Variants in PITPNM3 observed in about 807,000 individuals in gnomAD.
The protein encoded by PITPNM3 is PITPNM family member 3.
In PITPNM3, 26 loss-of-function variants were observed where a neutral mutation model predicts 102.0. The ratio of observed to expected loss-of-function variants is 0.25; its 90% CI spans 0.19 to 0.35. The LOEUF (loss-of-function observed/expected upper bound fraction) is 0.35, where lower values mean the gene tolerates loss of function less well. Among genes scored for constraint, PITPNM3 ranks in the 10% least tolerant of loss-of-function variants. The pLI, the probability that PITPNM3 is intolerant of heterozygous loss-of-function variation, is 1.00. For missense variants in PITPNM3, 1,083 were observed against 1,346.1 expected, an observed-to-expected ratio of 0.80 and a Z score of 3.06; for synonymous variants, 578 against 558.6, an observed-to-expected ratio of 1.03 and a Z score of -0.49.
At chr17:6,535,656 C>T (rs55982591) in intron 2 of PITPNM3, among the ~76,000 whole-genome samples, 12,852 of 152,102 alleles carry the variant, frequency 0.084, 613 homozygotes, top group Middle Eastern at 0.13. Flanking sequence ...CGGTGGCTCA[C>T]ACCTGTAATC....
chr17:6,455,625 C>T lies in PITPNM3; in HGVS notation c.2638G>A (p.Ala880Thr), dbSNP rs762879992. The T allele has an allele frequency of 5.3e-6, 8 of 1,503,166 alleles. No homozygotes were observed. The highest frequency in any genetic ancestry group is 2.4e-5 in the East Asian group (1 of 41,404). The allele number at this position is 1,503,166 out of a possible 1,614,324, so 93.1% of individuals were successfully genotyped here. A position where few individuals can be genotyped will look rare whatever the true frequency, so the allele number is the denominator to read the frequency against. Residue 880 changes from alanine to threonine, a missense_variant, in exon 20 of 20, where the codon GCC (alanine) becomes ACC (threonine). Transcript: ENST00000262483. ...GCCTCCAGCGCGGCCAGGTGTGCGG[C>T]GTAGCCCTCGCTCAGGAACTGCGGA... Reference protein sequence around the residue: ...TQCQFLSEGYAAHLAALEASH... With the variant: ...TQCQFLSEGYTAHLAALEASH...
Position 6,480,249 on chromosome 17 carries a change from G to A in PITPNM3, c.588-1513C>T, listed in dbSNP as rs1905584048. ...CCTAATCTTCCTTCCTTCCAACTCTGATTGAGATCTGCCTGCAATTCCTGT... is the reference window on the plus strand; with the variant it reads ...CCTAATCTTCCTTCCTTCCAACTCTAATTGAGATCTGCCTGCAATTCCTGT... On this transcript the variant is annotated intron_variant, in intron 6 of 19. Transcript: ENST00000262483. 2.0e-5 allele frequency: 3 copies of A among 152,218 alleles called. No individual in the cohort carries two copies. In the South Asian group the frequency reaches 6.2e-4, roughly 31 times the overall value. 9.4% of individuals were successfully genotyped at this position (152,218 alleles called of 1,614,324 possible).
intron 1 of PITPNM3, among the ~76,000 whole-genome samples, chr17:6,555,341 G>A (rs553318485): frequency 5.9e-5 from 9 of 152,216 alleles, no homozygotes; most frequent in Non-Finnish European, 1.0e-4. Flanking sequence ...CGGGCTTGGG[G>A]GTGGATTGAC....
chr17:6,494,695 A>T (rs1280128716), intron 4 of PITPNM3, among the ~76,000 whole-genome samples: 2 of 152,240 alleles, frequency 1.3e-5, no homozygotes, highest in Non-Finnish European at 2.9e-5. Flanking sequence ...CGATCTCTTC[A>T]TTCATTGCTG....
At chr17:6,538,147 C>G in intron 1 of PITPNM3, 65 bp from the exon 2 acceptor site, 1 of 1,240,766 alleles carries the variant, frequency 8.1e-7, no homozygotes, top group East Asian at 2.4e-5. Context: ...GGAGGTGACC[C>G]AAGACCCCCC....
intron 3 of PITPNM3, among the ~76,000 whole-genome samples, chr17:6,509,863 C>T (rs1907768499): frequency 6.6e-6 from 1 of 152,212 alleles, no homozygotes; most frequent in Admixed American, 6.5e-5. Flanking sequence ...AGTGGATCCA[C>T]AGGGGCACTC....
chr17:6,555,306 G>A (rs570901237), intron 1 of PITPNM3, among the ~76,000 whole-genome samples: 25 of 152,288 alleles, frequency 1.6e-4, no homozygotes, highest in African/African-American at 5.8e-4. Flanking sequence ...AGACGGGTCC[G>A]CAGCCCAGGG....
At chr17:6,536,073 A>G (rs1909408369) in intron 2 of PITPNM3, among the ~76,000 whole-genome samples, 1 of 151,280 alleles carries the variant, frequency 6.6e-6, no homozygotes, top group African/African-American at 2.4e-5. Flanking sequence ...CAAAAAAAAA[A>G]GGAAAAAAAA....
At position 6,457,072 on chromosome 17, in the gene PITPNM3, G is replaced by GC. The variant is rs58283124; in HGVS notation, c.2619+521dup. 0.22 allele frequency among the ~76,000 whole-genome samples: 33,013 copies of GC among 149,746 alleles called. 4,319 individuals carry two copies. The highest frequency in any genetic ancestry group is 0.37 in the South Asian group (1,707 of 4,666). On this transcript the variant is annotated intron_variant, in intron 19 of 19. Coordinates refer to ENST00000262483, the MANE Select transcript of PITPNM3 (RefSeq NM_031220.4). The surrounding 1 kb of genome is among the most constrained non-coding windows in gnomAD (Gnocchi z 4.7). Reference sequence around the variant, plus strand: ...TGGCCGCACTGACCGTTCTAGCCCCGCCCCCCCACCTCCCAGCTCACGTCC... The same window carrying GC: ...TGGCCGCACTGACCGTTCTAGCCCCGCCCCCCCCACCTCCCAGCTCACGTCC...
At chr17:6,554,690 C>T (rs1212301753) in intron 1 of PITPNM3, among the ~76,000 whole-genome samples, 1 of 152,082 alleles carries the variant, frequency 6.6e-6, no homozygotes, top group Non-Finnish European at 1.5e-5. Context: ...AAGGGGGTGA[C>T]CTATCAGGGC....
intron 4 of PITPNM3, among the ~76,000 whole-genome samples, chr17:6,487,458 G>A (rs1188166104): frequency 6.6e-6 from 1 of 152,130 alleles, no homozygotes; most frequent in East Asian, 1.9e-4. Context: ...TGGGCTGATG[G>A]GGACATTGCC....
At chr17:6,553,834 C>T (rs1438338804) in intron 1 of PITPNM3, among the ~76,000 whole-genome samples, 1 of 152,118 alleles carries the variant, frequency 6.6e-6, no homozygotes, top group Non-Finnish European at 1.5e-5. Flanking sequence ...AGCCACCCCG[C>T]TCTCTATGTT....
At position 6,474,734 on chromosome 17, in the gene PITPNM3, A is replaced by G. The variant is rs1388578379; in HGVS notation, c.1086-130T>C. ...ACCCTCCATCTCTGGGGCGGGGCTG[A>G]GAGTCCACCGGCTGCACACCACCTA... On this transcript the variant is annotated intron_variant, in intron 9 of 19. Coordinates refer to ENST00000262483, the MANE Select transcript of PITPNM3 (RefSeq NM_031220.4). 3 of 1,152,800 alleles carry G rather than the reference A, an allele frequency of 2.6e-6. No homozygotes were observed. In the Admixed American group the frequency reaches 6.6e-5, roughly 25 times the overall value. The allele number at this position is 1,152,800 out of a possible 1,614,324, so 71.4% of individuals were successfully genotyped here.
chr17:6,531,873 C>T (rs758471559), intron 2 of PITPNM3, among the ~76,000 whole-genome samples: 11 of 152,092 alleles, frequency 7.2e-5, no homozygotes, highest in East Asian at 1.9e-4. Flanking sequence ...AAGGCTGAGG[C>T]GGACGGATCA....
intron 9 of PITPNM3, among the ~76,000 whole-genome samples, 177 bp from the exon 10 acceptor site, chr17:6,474,781 G>A (rs1197564007): frequency 6.6e-6 from 1 of 152,236 alleles, no homozygotes; most frequent in Non-Finnish European, 1.5e-5. Flanking sequence ...GGCCACCAAG[G>A]CCTGGCTGAT....
chr17:6,499,096 A>G lies in PITPNM3; in HGVS notation c.274+4431T>C, dbSNP rs143899127. 6.3e-4 allele frequency among the ~76,000 whole-genome samples: 96 copies of G among 151,820 alleles called. 2 individuals are homozygous for G. The East Asian group carries it at 0.016, about 26-fold the overall frequency. ...GTAGGTCACCCAGGTCTCCTCCCCC[A>G]AGTCCAAGGCCCTCTCTCTTCTCTG... On this transcript the variant is annotated intron_variant, in intron 4 of 19. Coordinates refer to ENST00000262483, the MANE Select transcript of PITPNM3 (RefSeq NM_031220.4).
At chr17:6,551,330 C>G (rs1444438897) in intron 1 of PITPNM3, among the ~76,000 whole-genome samples, 1 of 151,244 alleles carries the variant, frequency 6.6e-6, no homozygotes, top group African/African-American at 2.4e-5. Context: ...CCACTGCACT[C>G]CAGCTTCGGC....
At chr17:6,545,748 G>C (rs1398839774) in intron 1 of PITPNM3, among the ~76,000 whole-genome samples, 1 of 151,078 alleles carries the variant, frequency 6.6e-6, no homozygotes, top group Non-Finnish European at 1.5e-5. Context: ...GCCAGCCCGG[G>C]TGCCTGTCTC....
Position 6,472,798 on chromosome 17 carries a change from C to T in PITPNM3, c.1288G>A (p.Val430Ile), listed in dbSNP as rs773758682. The T allele has an allele frequency of 6.2e-7, 1 of 1,614,138 alleles. No individual in the cohort carries two copies. Among genetic ancestry groups the T allele is most frequent in the East Asian group, 2.2e-5 (1 of 44,878 alleles). Residue 430 changes from valine (V) to isoleucine (I), a missense_variant, in exon 11 of 20, where the codon GTC becomes ATC. Physicochemically the swap from Val to Ile is conservative, Grantham distance 29. This residue lies in a region of PITPNM3 where 410 missense variants were observed against 638.4 expected (regional missense o/e 0.64). Coordinates refer to ENST00000262483, the MANE Select transcript of PITPNM3 (RefSeq NM_031220.4). This position sits in a 1 kb window ranked among gnomAD's most constrained non-coding sequence, Gnocchi z 4.1. ...TCTGCGCAATGGAAGAAGCTGTAGA[C>T]CTGGCTGCAGGCAGGACGCACCTGG... ...GFQVRPACSQ[V>I]YSFFHCADPS...
Sources: gnomAD v4.1 joint callset for allele counts (sites outside exome capture counted in the v4.1 genomes callset) on GRCh38, gnomAD v4.1.1 for gene constraint, gnomAD v4.1.1 regional missense constraint, Gnocchi (gnomAD v3.1) non-coding constraint, MANE v1.5 for transcripts, NCBI Gene and HGNC (gene_info 2026-07-23, HGNC 2026-07-21) for gene names.